EYS: variants seen among roughly 807,000 people sequenced by gnomAD.
EYS encodes the protein protein eyes shut homolog.
Under a neutral mutation model 282.1 loss-of-function variants are expected in EYS, and 250 were observed. The ratio of observed to expected loss-of-function variants is 0.89; its 90% confidence interval spans 0.80 to 0.98. The LOEUF is 0.98. Ranked by LOEUF, EYS falls within the 50% of genes least tolerant of loss-of-function variation. EYS has a pLI of 0.00. For missense variants in EYS, 4,016 were observed against 3,709.0 expected, an observed-to-expected ratio of 1.08 and a Z score of -2.15; for synonymous variants, 1,355 against 1,282.9, an observed-to-expected ratio of 1.06 and a Z score of -1.20.
intron 2 of EYS, among the ~76,000 whole-genome samples, chr6:65,570,717 G>T (rs1764447435): frequency 1.3e-5 from 2 of 152,102 alleles, no homozygotes; most frequent in Non-Finnish European, 2.9e-5. Flanking sequence ...AGAAATGGAA[G>T]CTGAATAAAG....
At chr6:64,506,697 G>A (rs1375359419) in intron 26 of EYS, among the ~76,000 whole-genome samples, 1 of 152,010 alleles carries the variant, frequency 6.6e-6, no homozygotes, top group Non-Finnish European at 1.5e-5. Context: ...CGTATCACGA[G>A]GTCAGGAGAT....
rs942325203 is a variant in EYS, at chr6:64,070,234, C to T, written c.6572-3743G>A. On this transcript the variant is annotated intron_variant, in intron 32 of 42. Transcript: ENST00000503581. ...ATTAAAATGTTATTGGTCTTTCTTG[C>T]ACTTTGAATGGATGTTTTACTCAGT... Among the ~76,000 whole-genome samples, 20 of 152,172 alleles carry T rather than the reference C, an allele frequency of 1.3e-4. 1 individual carries two copies. In the Middle Eastern group the frequency reaches 0.01, roughly 78 times the overall value.
chr6:65,633,179 A>G (rs1450704689), intron 2 of EYS, among the ~76,000 whole-genome samples: 6 of 152,140 alleles, frequency 3.9e-5, no homozygotes, highest in South Asian at 2.1e-4. Context: ...TGACTTTTGT[A>G]TATCTAATGC....
chr6:63,738,434 G>A lies in EYS; in HGVS notation c.8072-11754C>T, dbSNP rs530621053. Among the ~76,000 whole-genome samples the A allele has an allele frequency of 1.8e-4, 27 of 152,040 alleles. 1 individual carries two copies. The South Asian group carries it at 5.6e-3, about 32-fold the overall frequency. The stretch of plus-strand genomic sequence containing the variant: ...GAAAAATGATGAGTTCATGTCCTTT[G>A]TAGGGACATGGATGAAATTGGAAAT... On this transcript the variant is annotated intron_variant, in intron 41 of 42. Transcript: ENST00000503581.
At chr6:65,685,777 T>C (rs1352418545) in intron 1 of EYS, among the ~76,000 whole-genome samples, 1 of 152,070 alleles carries the variant, frequency 6.6e-6, no homozygotes, top group East Asian at 1.9e-4. Flanking sequence ...TCTATATCTT[T>C]TATGTACTGA....
chr6:65,213,424 G>C (rs944909266), intron 12 of EYS, among the ~76,000 whole-genome samples: 1 of 152,076 alleles, frequency 6.6e-6, no homozygotes, highest in Non-Finnish European at 1.5e-5. Context: ...CTGAGTTTTT[G>C]AACAAATGGA....
chr6:63,767,199 C>G (rs1269728903), intron 40 of EYS, among the ~76,000 whole-genome samples: 1 of 152,032 alleles, frequency 6.6e-6, no homozygotes, highest in Non-Finnish European at 1.5e-5. Context: ...TCTCACCACT[C>G]CTATTCAACA....
intron 2 of EYS, among the ~76,000 whole-genome samples, chr6:65,533,852 G>A (rs904001615): frequency 6.6e-6 from 1 of 152,100 alleles, no homozygotes; most frequent in African/African-American, 2.4e-5. Flanking sequence ...ACAGCAGCCT[G>A]AATAGACTAA....
At chr6:65,615,586 T>C in intron 2 of EYS, among the ~76,000 whole-genome samples, 1 of 151,418 alleles carries the variant, frequency 6.6e-6, no homozygotes, top group East Asian at 1.9e-4. Context: ...ATTTTTAAAG[T>C]ATGTTTTCCC....
chr6:65,441,442 G>A (rs781294600), intron 5 of EYS, among the ~76,000 whole-genome samples: 1 of 151,834 alleles, frequency 6.6e-6, no homozygotes, highest in Non-Finnish European at 1.5e-5. Flanking sequence ...TGAAAGAATT[G>A]TATTTTAGAA....
At chr6:65,625,764 C>T (rs1257826840) in intron 2 of EYS, among the ~76,000 whole-genome samples, 1 of 152,154 alleles carries the variant, frequency 6.6e-6, no homozygotes, top group East Asian at 1.9e-4. Context: ...TTTGAAATTA[C>T]AGTGACAATG....
In EYS at chr6:64,218,002, T is replaced by C. The variant is rs1765985911; in HGVS notation, c.6424+12590A>G. ...TTGTAGGAATCTCTCTGTTGCTGTC[T>C]GTGTAGAGAGACTTCTTGGGAGGAC... On this transcript the variant is annotated intron_variant, in intron 31 of 42. Transcript: ENST00000503581. Among the ~76,000 whole-genome samples the C allele has an allele frequency of 2.0e-5, 3 of 152,230 alleles. No homozygotes were observed. The East Asian group carries it at 5.8e-4, about 29-fold the overall frequency.
At chr6:64,288,309 T>A (rs1768573871) in intron 30 of EYS, among the ~76,000 whole-genome samples, 2 of 152,122 alleles carry the variant, frequency 1.3e-5, no homozygotes, top group African/African-American at 4.8e-5. Flanking sequence ...CTCTTTAATA[T>A]AAATCAGCCT....
At chr6:65,154,301 T>A (rs560658185) in intron 12 of EYS, among the ~76,000 whole-genome samples, 4 of 148,258 alleles carry the variant, frequency 2.7e-5, no homozygotes, top group East Asian at 2.0e-4. Flanking sequence ...GTAGAAAAAA[T>A]TTCAAAAGAA....
At chr6:63,745,417 A>C (rs1468792127) in intron 41 of EYS, among the ~76,000 whole-genome samples, 1 of 152,250 alleles carries the variant, frequency 6.6e-6, no homozygotes, top group Non-Finnish European at 1.5e-5. Flanking sequence ...AACTGCCTCT[A>C]GAGGCTTCAA....
intron 30 of EYS, among the ~76,000 whole-genome samples, chr6:64,243,883 C>A (rs1332421352): frequency 1.3e-5 from 2 of 152,016 alleles, no homozygotes; most frequent in Non-Finnish European, 2.9e-5. Flanking sequence ...TATTGATAAA[C>A]ATCATGGTTG....
intron 35 of EYS, among the ~76,000 whole-genome samples, chr6:63,887,894 G>A (rs1174910418): frequency 6.6e-6 from 1 of 152,162 alleles, no homozygotes; most frequent in Non-Finnish European, 1.5e-5. Flanking sequence ...GCCCAGCACT[G>A]GCTTGAAATT....
At chr6:65,449,546 T>C (rs1764327046) in intron 5 of EYS, among the ~76,000 whole-genome samples, 1 of 152,062 alleles carries the variant, frequency 6.6e-6, no homozygotes, top group Non-Finnish European at 1.5e-5. Flanking sequence ...AATTATTAAG[T>C]ATTGGAAATA....
intron 33 of EYS, among the ~76,000 whole-genome samples, chr6:64,054,343 C>A (rs542354017): frequency 6.6e-5 from 10 of 151,844 alleles, no homozygotes; most frequent in Non-Finnish European, 1.0e-4. Flanking sequence ...AGAAAAAAAA[C>A]CCAGAATATT....
Sources: allele counts gnomAD v4.1 joint callset (sites outside exome capture counted in the v4.1 genomes callset), GRCh38; gene constraint gnomAD v4.1.1; transcripts MANE v1.5; gene names NCBI Gene and HGNC (gene_info 2026-07-23, HGNC 2026-07-21).